Variants in MAGI2 observed in about 807,000 individuals in gnomAD.
The protein encoded by MAGI2 is membrane-associated guanylate kinase, WW and PDZ domain-containing protein 2.
A neutral mutation model predicts 133.3 loss-of-function variants in MAGI2; 35 were observed. The observed-to-expected ratio is 0.26, with a 90% CI of 0.20 to 0.35. MAGI2 has a LOEUF of 0.35. Among genes scored for constraint, MAGI2 ranks in the 10% least tolerant of loss-of-function variants. The pLI is 1.00. For synonymous variants in MAGI2, 729 were observed against 710.6 expected, an observed-to-expected ratio of 1.03 and a Z score of -0.41; for missense variants, 1,636 against 1,863.4, an observed-to-expected ratio of 0.88 and a Z score of 2.25.
chr7:78,782,935 G>A (rs1488230234), intron 2 of MAGI2, among the ~76,000 whole-genome samples: 1 of 147,832 alleles, frequency 6.8e-6, no homozygotes, highest in East Asian at 2.1e-4. Flanking sequence ...CATCTCTGGA[G>A]ATTTTGATTT....
chr7:78,077,151 A>C (rs909072255), intron 21 of MAGI2, among the ~76,000 whole-genome samples: 19 of 152,232 alleles, frequency 1.2e-4, no homozygotes, highest in African/African-American at 4.1e-4. Flanking sequence ...TTTTAAAGAT[A>C]AACTTGTTAG....
intron 2 of MAGI2, among the ~76,000 whole-genome samples, chr7:79,002,860 AGTGTGTGTGTGT>A (rs4021172): frequency 4.9e-4 from 65 of 133,638 alleles, no homozygotes; most frequent in African/African-American, 1.0e-3. Flanking sequence ...TTTATTGAAA[AGTGTGTGTGTGT>A]GTGTGTGTGT....
intron 2 of MAGI2, among the ~76,000 whole-genome samples, chr7:78,656,084 A>G (rs1253722305): frequency 2.6e-5 from 4 of 152,126 alleles, no homozygotes; most frequent in Admixed American, 2.6e-4. Context: ...ACATCAAAAC[A>G]CATTACAAAA....
At chr7:78,802,072 G>A (rs1788110702) in intron 2 of MAGI2, among the ~76,000 whole-genome samples, 1 of 152,044 alleles carries the variant, frequency 6.6e-6, no homozygotes, top group Non-Finnish European at 1.5e-5. Context: ...CCTTTCTCAG[G>A]CTCTTACACA....
chr7:78,313,929 C>T (rs554178976), intron 9 of MAGI2, among the ~76,000 whole-genome samples: 1 of 152,084 alleles, frequency 6.6e-6, no homozygotes, highest in African/African-American at 2.4e-5. Context: ...GTTATGGGTG[C>T]CCTGGGGACT....
chr7:78,085,475 A>G (rs1816515183), intron 20 of MAGI2, among the ~76,000 whole-genome samples: 1 of 151,682 alleles, frequency 6.6e-6, no homozygotes, highest in African/African-American at 2.4e-5. Flanking sequence ...GTGAGCCATG[A>G]TTGCACCTCT....
intron 6 of MAGI2, among the ~76,000 whole-genome samples, chr7:78,417,008 G>A (rs1369433881): frequency 1.3e-5 from 2 of 152,088 alleles, no homozygotes; most frequent in Non-Finnish European, 2.9e-5. Context: ...ACTAAGACAA[G>A]TGGTCACTGA....
intron 1 of MAGI2, among the ~76,000 whole-genome samples, chr7:79,087,668 T>C (rs1395803393): frequency 1.3e-5 from 2 of 152,074 alleles, no homozygotes; most frequent in Non-Finnish European, 2.9e-5. Flanking sequence ...GAGTTAATTT[T>C]TGTATAAGGT....
At chr7:78,842,004 T>A (rs909847277) in intron 2 of MAGI2, among the ~76,000 whole-genome samples, 19 of 151,948 alleles carry the variant, frequency 1.3e-4, no homozygotes, top group Non-Finnish European at 2.1e-4. Flanking sequence ...TAGATGAGCA[T>A]ACGGCATATC....
chr7:79,360,784 G>T (rs895849312), intron 1 of MAGI2, among the ~76,000 whole-genome samples: 4 of 151,810 alleles, frequency 2.6e-5, no homozygotes, highest in Non-Finnish European at 4.4e-5. Context: ...GAAGGCAAGA[G>T]AAAAGAAACA....
At chr7:78,727,726 G>A (rs188988020) in intron 2 of MAGI2, among the ~76,000 whole-genome samples, 1 of 152,304 alleles carries the variant, frequency 6.6e-6, no homozygotes, top group African/African-American at 2.4e-5. Context: ...ATCACATCAG[G>A]CTTGCTGTGA....
intron 1 of MAGI2, among the ~76,000 whole-genome samples, chr7:79,217,558 T>C (rs989441150): frequency 6.6e-6 from 1 of 152,026 alleles, no homozygotes; most frequent in Non-Finnish European, 1.5e-5. Flanking sequence ...AAGTTAAGTG[T>C]CTTATCTATA....
chr7:79,183,293 A>G (rs1211440469), intron 1 of MAGI2, among the ~76,000 whole-genome samples: 3 of 151,864 alleles, frequency 2.0e-5, no homozygotes, highest in Non-Finnish European at 4.4e-5. Flanking sequence ...TATGTATGCA[A>G]CGAAATTTCT....
chr7:78,079,052 T>A lies in MAGI2; in HGVS notation c.3601A>T (p.Ser1201Cys). ...GDQIIEINGE[S>C]TRDMTHARAI... ...CTGGCATGTGTCATGTCCCTTGTGC[T>A]TTCCCCATTGATTTCAATGATTTGA... Residue 1201 changes from serine to cysteine, a missense_variant, in exon 21 of 22, where the codon AGC becomes TGC. This residue lies in a region of MAGI2 where 49 missense variants were observed against 103.8 expected (regional missense o/e 0.47). Coordinates refer to ENST00000354212, the MANE Select transcript of MAGI2 (RefSeq NM_012301.4). 1 of 1,613,598 alleles carries A rather than the reference T, an allele frequency of 6.2e-7. No individual in the cohort carries two copies. Among genetic ancestry groups the A allele is most frequent in the Non-Finnish European group, 8.5e-7 (1 of 1,179,850 alleles).
intron 2 of MAGI2, among the ~76,000 whole-genome samples, chr7:78,649,277 G>C (rs1221343287): frequency 3.8e-5 from 4 of 105,460 alleles, no homozygotes; most frequent in African/African-American, 1.6e-4. Flanking sequence ...TTAAAAATTT[G>C]CATTTTTATA....
intron 2 of MAGI2, among the ~76,000 whole-genome samples, chr7:78,778,229 C>T (rs773880219): frequency 6.6e-6 from 1 of 152,166 alleles, no homozygotes; most frequent in Non-Finnish European, 1.5e-5. Flanking sequence ...AATGAGACAA[C>T]GTTTGCCAGA....
At chr7:78,469,058 C>G (rs976278008) in intron 6 of MAGI2, among the ~76,000 whole-genome samples, 4 of 152,130 alleles carry the variant, frequency 2.6e-5, no homozygotes, top group Admixed American at 6.6e-5. Context: ...AACATTTATT[C>G]TCAATCGTCT....
intron 4 of MAGI2, chr7:78,518,315 T>C (rs191598211): frequency 5.9e-5 from 9 of 152,294 alleles, no homozygotes; most frequent in African/African-American, 2.2e-4. Flanking sequence ...TTTATGCTTG[T>C]ATTTGGTTAT....
At chr7:79,187,688 T>G (rs1562975078) in intron 1 of MAGI2, among the ~76,000 whole-genome samples, 1 of 151,828 alleles carries the variant, frequency 6.6e-6, no homozygotes, top group South Asian at 2.1e-4. Flanking sequence ...ACTAAAAATT[T>G]TACGGATTTA....
Sources: allele counts gnomAD v4.1 joint callset (sites outside exome capture counted in the v4.1 genomes callset), GRCh38; gene constraint gnomAD v4.1.1; regional missense constraint gnomAD v4.1.1; transcripts MANE v1.5; gene names NCBI Gene and HGNC (gene_info 2026-07-23, HGNC 2026-07-21).